CKAP2L: variants seen among roughly 807,000 people sequenced by gnomAD.
CKAP2L encodes the protein cytoskeleton-associated protein 2-like.
In CKAP2L, 42 loss-of-function variants were observed where a neutral mutation model predicts 65.7. The ratio of observed to expected loss-of-function variants is 0.64; its 90% confidence interval spans 0.50 to 0.83. The LOEUF (loss-of-function observed/expected upper bound fraction) is 0.83, where lower values mean the gene tolerates loss of function less well. Among genes scored for constraint, CKAP2L ranks in the 40% least tolerant of loss-of-function variants. The pLI is 0.00. For missense variants in CKAP2L, 908 were observed against 871.0 expected, an observed-to-expected ratio of 1.04 and a Z score of -0.53; for synonymous variants, 325 against 313.5, an observed-to-expected ratio of 1.04 and a Z score of -0.39.
chr2:112,746,982 G>T (rs1680222303), intron 5 of CKAP2L, among the ~76,000 whole-genome samples: 1 of 151,988 alleles, frequency 6.6e-6, no homozygotes, highest in South Asian at 2.1e-4. Context: ...GTAGAGATGG[G>T]GTTTCACCGT....
chr2:112,760,044 A>AT (rs1558763855), intron 3 of CKAP2L, among the ~76,000 whole-genome samples: 2 of 152,232 alleles, frequency 1.3e-5, no homozygotes, highest in Admixed American at 1.3e-4. Context: ...CAGAACACAG[A>AT]TAAAAACTAT....
At position 112,757,385 on chromosome 2, in the gene CKAP2L, G is replaced by GT. The variant is rs11311328; in HGVS notation, c.157-172dup. On this transcript the variant is annotated intron_variant, in intron 3 of 8. Transcript: ENST00000302450. ...AGACTCACTAATAGGTAGTTTTTGT[G>GT]TTTTTTTTTTTTTTTTTTTTTTGAG... 0.099 allele frequency among the ~76,000 whole-genome samples: 8,617 copies of GT among 87,334 alleles called. 487 individuals are homozygous for GT. The highest frequency in any genetic ancestry group is 0.11 in the Non-Finnish European group (5,313 of 47,620). 57.3% of individuals were successfully genotyped at this position (87,334 alleles called of 152,430 possible). A position where few individuals can be genotyped will look rare whatever the true frequency, so the allele number is the denominator to read the frequency against.
intron 6 of CKAP2L, among the ~76,000 whole-genome samples, chr2:112,743,447 C>T (rs1680093829): frequency 6.6e-6 from 1 of 151,630 alleles, no homozygotes; most frequent in Non-Finnish European, 1.5e-5. Context: ...TGGCCCCAAA[C>T]ACAATGTTTT....
chr2:112,742,863 A>G (rs982453456), intron 6 of CKAP2L, 94 bp from the exon 7 acceptor site: 5 of 798,118 alleles, frequency 6.3e-6, no homozygotes, highest in East Asian at 2.5e-5. Flanking sequence ...TTTTATAATA[A>G]AAGTTTCCTT....
In CKAP2L at chr2:112,760,728, T is replaced by C. The variant is rs768212153; in HGVS notation, c.141A>G (p.Gln47=). Residue 47 remains glutamine (Q), a synonymous_variant, in exon 3 of 9, where the codon CAA becomes CAG. Transcript: ENST00000302450. ...YLKSKNNCQN[Q]PPSKSTIRPK... ...TTCTACTTACAGATTTAGAAGGTGG[T>C]TGATTCTGGCAATTATTCTTGGATT... 2.3e-5 allele frequency: 34 copies of C among 1,507,072 alleles called. No individual in the cohort carries two copies. The highest frequency in any genetic ancestry group is 2.9e-5 in the Non-Finnish European group (32 of 1,095,340). The allele number at this position is 1,507,072 out of a possible 1,614,324, so 93.4% of individuals were successfully genotyped here. A position where few individuals can be genotyped will look rare whatever the true frequency, so the allele number is the denominator to read the frequency against.
In CKAP2L at chr2:112,741,940, GTTTTTTT is replaced by G. The variant is rs57634251; in HGVS notation, c.1822+759_1822+765del. Among the ~76,000 whole-genome samples the G allele has an allele frequency of 1.9e-4, 14 of 71,900 alleles. 1 individual carries two copies. The highest frequency in any genetic ancestry group is 5.9e-4 in the Admixed American group (3 of 5,120). 47.2% of individuals were successfully genotyped at this position (71,900 alleles called of 152,430 possible). ...CACAACTGGCTAATTTTTCTTTTCTGTTTTTTTTTTTTTTTTTTTTTTTTTTTAAAGA... is the reference window on the plus strand; with the variant it reads ...CACAACTGGCTAATTTTTCTTTTCTGTTTTTTTTTTTTTTTTTTTTAAAGA... On this transcript the variant is annotated intron_variant, in intron 7 of 8. Transcript: ENST00000302450.
intron 5 of CKAP2L, among the ~76,000 whole-genome samples, chr2:112,750,477 ACT>A (rs1438109849): frequency 1.3e-5 from 2 of 152,114 alleles, no homozygotes; most frequent in African/African-American, 2.4e-5. Flanking sequence ...TGTGACCTAC[ACT>A]GTCTCCAGAG....
intron 4 of CKAP2L, among the ~76,000 whole-genome samples, chr2:112,752,885 C>T (rs2104877817): frequency 6.6e-6 from 1 of 152,286 alleles, no homozygotes; most frequent in African/African-American, 2.4e-5. Flanking sequence ...CTGCATTCTA[C>T]CCTCAATAAG....
chr2:112,764,444 G>T lies in CKAP2L; in HGVS notation c.37+118C>A, dbSNP rs533072984. The T allele has an allele frequency of 2.2e-4, 258 of 1,154,344 alleles. 1 individual carries two copies. The African/African-American group carries it at 3.1e-3, about 14-fold the overall frequency. The allele number at this position is 1,154,344 out of a possible 1,614,324, so 71.5% of individuals were successfully genotyped here. A position where few individuals can be genotyped will look rare whatever the true frequency, so the allele number is the denominator to read the frequency against. ...CTCCCGGGATGGAAAACGCCCAGGGGAAACTTAGGCAGGCGAGCGGACGGG... is the reference window on the plus strand; with the variant it reads ...CTCCCGGGATGGAAAACGCCCAGGGTAAACTTAGGCAGGCGAGCGGACGGG... On this transcript the variant is annotated intron_variant, in intron 1 of 8. Transcript: ENST00000302450.
chr2:112,756,837 G>C lies in CKAP2L; in HGVS notation c.534C>G (p.Asn178Lys). 1 of 1,601,956 alleles carries C rather than the reference G, an allele frequency of 6.2e-7. No individual in the cohort carries two copies. The highest frequency in any genetic ancestry group is 8.5e-7 in the Non-Finnish European group (1 of 1,176,610). Reference sequence around the variant, plus strand: ...TCTCTTTGTTTGTTTCTTTTAGAAAGTTATCCAAAGATTCGTTTTCAACAT... The same window carrying C: ...TCTCTTTGTTTGTTTCTTTTAGAAACTTATCCAAAGATTCGTTTTCAACAT... ...NIHVENESLD[N>K]FLKETNKENL... The change falls in exon 4 of 9, where the codon AAC becomes AAG. Residue 178 changes from asparagine (N) to lysine (K), a missense_variant. By Grantham distance (94) the Asn-to-Lys change is moderately conservative. Coordinates refer to ENST00000302450, the MANE Select transcript of CKAP2L (RefSeq NM_152515.5).
At chr2:112,746,990 C>T (rs1294591072) in intron 5 of CKAP2L, among the ~76,000 whole-genome samples, 4 of 152,026 alleles carry the variant, frequency 2.6e-5, no homozygotes, top group Non-Finnish European at 1.5e-5. Context: ...GGGGTTTCAC[C>T]GTGTTAGCCA....
At chr2:112,750,461 G>C (rs1397458265) in intron 5 of CKAP2L, among the ~76,000 whole-genome samples, 7 of 152,226 alleles carry the variant, frequency 4.6e-5, no homozygotes, top group Admixed American at 2.0e-4. Flanking sequence ...GGATGACTCT[G>C]AGAGATGTGA....
intron 8 of CKAP2L, among the ~76,000 whole-genome samples, chr2:112,739,491 C>CA (rs545240332): frequency 1.7e-4 from 26 of 152,248 alleles, no homozygotes; most frequent in Admixed American, 1.5e-3. Flanking sequence ...ATGGTGTAAG[C>CA]ATAAGGATTT....
intron 4 of CKAP2L, among the ~76,000 whole-genome samples, chr2:112,755,320 A>G (rs1055316238): frequency 1.3e-5 from 2 of 152,134 alleles, no homozygotes; most frequent in Non-Finnish European, 2.9e-5. Flanking sequence ...TTGTATTTTT[A>G]GTAAAAACAG....
intron 7 of CKAP2L, among the ~76,000 whole-genome samples, chr2:112,741,460 C>T (rs1385880434): frequency 6.6e-6 from 1 of 152,190 alleles, no homozygotes; most frequent in African/African-American, 2.4e-5. Flanking sequence ...TGGGCAAAAA[C>T]TGTCTTGCAT....
At chr2:112,746,348 A>G in intron 6 of CKAP2L, 72 bp downstream of exon 6, 1 of 1,316,698 alleles carries the variant, frequency 7.6e-7, no homozygotes, top group Non-Finnish European at 1.1e-6. Context: ...TAACCATCAT[A>G]TTACAAACAA....
At chr2:112,750,899 A>C (rs141273895) in intron 5 of CKAP2L, among the ~76,000 whole-genome samples, 342 of 152,252 alleles carry the variant, frequency 2.2e-3, no homozygotes, top group African/African-American at 7.9e-3. Context: ...GATGCAAGAG[A>C]AAAAATAATC....
chr2:112,742,614 G>A, intron 7 of CKAP2L, 92 bp downstream of exon 7: 1 of 866,908 alleles, frequency 1.2e-6, no homozygotes, highest in South Asian at 1.5e-5. Context: ...GCATTTCAGG[G>A]GATGATTCTT....
Position 112,738,998 on chromosome 2 carries a change from C to T in CKAP2L, c.2063G>A (p.Arg688Gln), listed in dbSNP as rs750251080. ...TGCTCGCTCAATCCTCGACGAACGC[C>T]GTACAGGAGTGATAAATTTCATGTC... is the stretch of plus-strand genomic sequence containing the variant. ...VQDMKFITPV[R>Q]RSSRIERAVS... The change falls in exon 9 of 9, where the codon CGG becomes CAG. Residue 688 changes from arginine to glutamine, a missense_variant. Coordinates refer to ENST00000302450, the MANE Select transcript of CKAP2L (RefSeq NM_152515.5). 171 of 1,614,016 alleles carry T rather than the reference C, an allele frequency of 1.1e-4. No homozygotes were observed. Among genetic ancestry groups the T allele is most frequent in the Non-Finnish European group, 1.4e-4 (162 of 1,180,034 alleles).
Sources: allele counts gnomAD v4.1 joint callset (sites outside exome capture counted in the v4.1 genomes callset), GRCh38; gene constraint gnomAD v4.1.1; transcripts MANE v1.5; gene names NCBI Gene and HGNC (gene_info 2026-07-23, HGNC 2026-07-21).